TRPC4: variants seen among roughly 807,000 people sequenced by gnomAD.
The protein encoded by TRPC4 is short transient receptor potential channel 4.
TRPC4 carries 49 observed loss-of-function variants against 99.4 expected under a neutral mutation model. The observed-to-expected ratio is 0.49, with a 90% CI of 0.39 to 0.63. TRPC4 has a LOEUF of 0.63. Among genes scored for constraint, TRPC4 ranks in the 20% least tolerant of loss-of-function variants. The probability of loss-of-function intolerance (pLI) is 0.00; values close to 1 mark genes in which losing one functional copy is unlikely to be tolerated. For synonymous variants in TRPC4, 454 were observed against 425.9 expected (o/e 1.07, Z -0.81); for missense variants, 898 against 1,152.9 (o/e 0.78, Z 3.20).
chr13:37,791,582 G>A (rs1300396870), intron 1 of TRPC4, among the ~76,000 whole-genome samples: 1 of 152,042 alleles, frequency 6.6e-6, no homozygotes, highest in Non-Finnish European at 1.5e-5. Context: ...CAATACCATG[G>A]TGAATGAGTA....
chr13:37,735,459 T>C (rs1250602835), intron 3 of TRPC4, among the ~76,000 whole-genome samples: 3 of 152,140 alleles, frequency 2.0e-5, no homozygotes. Flanking sequence ...AGTCACTAAA[T>C]AATGGCCTAA....
chr13:37,747,435 T>C (rs929177693), intron 2 of TRPC4, among the ~76,000 whole-genome samples: 1 of 152,198 alleles, frequency 6.6e-6, no homozygotes, highest in Non-Finnish European at 1.5e-5. Flanking sequence ...TTTTAGTTTA[T>C]TTATTTTTGC....
At chr13:37,721,003 G>T (rs1325319227) in intron 3 of TRPC4, among the ~76,000 whole-genome samples, 1 of 152,126 alleles carries the variant, frequency 6.6e-6, no homozygotes, top group Non-Finnish European at 1.5e-5. Flanking sequence ...TTGAAGAAAA[G>T]AACTATTAGG....
chr13:37,782,906 A>G (rs948184666), intron 2 of TRPC4, 50 bp downstream of exon 2: 2 of 1,422,162 alleles, frequency 1.4e-6, no homozygotes, highest in Non-Finnish European at 1.8e-6. Context: ...AGAAAAAACA[A>G]AAAACCTTCT....
At chr13:37,827,994 G>A (rs572360807) in intron 1 of TRPC4, among the ~76,000 whole-genome samples, 224 of 151,704 alleles carry the variant, frequency 1.5e-3, no homozygotes, top group South Asian at 9.0e-3. Context: ...TTTTAAGCCC[G>A]TCGGAAAAGT....
chr13:37,674,188 T>C (rs1372172182), intron 5 of TRPC4, 40 bp downstream of exon 5: 1 of 1,502,352 alleles, frequency 6.7e-7, no homozygotes, highest in African/African-American at 1.4e-5. Context: ...TCATTAATAA[T>C]CAGAACATAT....
intron 1 of TRPC4, among the ~76,000 whole-genome samples, chr13:37,837,221 G>A (rs1958590529): frequency 6.6e-6 from 1 of 152,240 alleles, no homozygotes; most frequent in South Asian, 2.1e-4. Flanking sequence ...AGTGCAAAAG[G>A]AAAATGTAGG....
At chr13:37,827,206 A>C (rs2762075) in intron 1 of TRPC4, among the ~76,000 whole-genome samples, 49,778 of 151,532 alleles carry the variant, frequency 0.33, 8,455 homozygotes, top group East Asian at 0.53. Flanking sequence ...AACTTCTTTG[A>C]CTTTGGTTTC....
At chr13:37,688,084 A>G (rs1953552930) in intron 4 of TRPC4, among the ~76,000 whole-genome samples, 1 of 152,200 alleles carries the variant, frequency 6.6e-6, no homozygotes, top group Non-Finnish European at 1.5e-5. Context: ...TCATCCTGAC[A>G]GCAAATATGT....
At chr13:37,640,079 T>TA (rs1229968963) in intron 8 of TRPC4, among the ~76,000 whole-genome samples, 1 of 151,876 alleles carries the variant, frequency 6.6e-6, no homozygotes, top group African/African-American at 2.4e-5. Flanking sequence ...ATTCTAAAGA[T>TA]ATTAGAAAAA....
chr13:37,652,252 A>T (rs527314568), intron 7 of TRPC4, among the ~76,000 whole-genome samples: 1 of 152,346 alleles, frequency 6.6e-6, no homozygotes, highest in Non-Finnish European at 1.5e-5. Context: ...GGTGGTAGAG[A>T]CTGGGCATAC....
chr13:37,849,384 A>C (rs188561000), intron 1 of TRPC4, among the ~76,000 whole-genome samples: 185 of 152,298 alleles, frequency 1.2e-3, no homozygotes, highest in African/African-American at 4.2e-3. Flanking sequence ...CGTTCTCCTG[A>C]AGCTTGTTTT....
At chr13:37,721,564 G>C (rs1244454255) in intron 3 of TRPC4, among the ~76,000 whole-genome samples, 1 of 152,132 alleles carries the variant, frequency 6.6e-6, no homozygotes, top group Non-Finnish European at 1.5e-5. Context: ...GAGCCAATCA[G>C]ATAGGTAGAT....
chr13:37,746,035 T>G lies in TRPC4; in HGVS notation c.799A>C (p.Ile267Leu). ...TTGTCATCTCGGTAATTAAGAATGA[T>G]TTCCAGTTCTCTGGAACTTCTCGTC... ...DQTRSSRELE[I>L]ILNYRDDNSL... Residue 267 changes from isoleucine to leucine, a missense_variant, in exon 3 of 11, where the codon ATC becomes CTC. Around this residue, in one of 3 missense-constraint regions of TRPC4, gnomAD observed 278 missense variants for 346.6 expected, o/e 0.80. Transcript: ENST00000379705. 1 of 1,613,916 alleles carries G rather than the reference T, an allele frequency of 6.2e-7. No individual in the cohort carries two copies.
intron 1 of TRPC4, among the ~76,000 whole-genome samples, chr13:37,823,828 T>A (rs1958106937): frequency 6.7e-6 from 1 of 150,278 alleles, no homozygotes; most frequent in Non-Finnish European, 1.5e-5. Context: ...GGTAGCTTGA[T>A]GGGGATGGCA....
intron 1 of TRPC4, among the ~76,000 whole-genome samples, chr13:37,824,445 C>G (rs1958134656): frequency 6.6e-6 from 1 of 152,002 alleles, no homozygotes; most frequent in Non-Finnish European, 1.5e-5. Context: ...GAAATACTTC[C>G]CATCAATACC....
intron 1 of TRPC4, among the ~76,000 whole-genome samples, chr13:37,868,208 AG>A (rs1365652168): frequency 6.6e-6 from 1 of 152,156 alleles, no homozygotes; most frequent in African/African-American, 2.4e-5. Context: ...AAAATTTTAA[AG>A]GTTATAAGTA....
At chr13:37,719,681 C>T (rs1213531795) in intron 3 of TRPC4, among the ~76,000 whole-genome samples, 1 of 151,912 alleles carries the variant, frequency 6.6e-6, no homozygotes, top group African/African-American at 2.4e-5. Context: ...GTAAATGGGC[C>T]TTTTCTGTGG....
intron 3 of TRPC4, among the ~76,000 whole-genome samples, chr13:37,717,126 G>A (rs1954703609): frequency 6.6e-6 from 1 of 152,028 alleles, no homozygotes. Context: ...ACATTTTACA[G>A]GGAGTTATAA....
Sources: gnomAD v4.1 joint callset for allele counts (sites outside exome capture counted in the v4.1 genomes callset) on GRCh38, gnomAD v4.1.1 for gene constraint, gnomAD v4.1.1 regional missense constraint, MANE v1.5 for transcripts, NCBI Gene and HGNC (gene_info 2026-07-23, HGNC 2026-07-21) for gene names.